The following PDZD11 variants were observed in gnomAD, a reference collection of about 807,000 sequenced individuals.
PDZD11 encodes the protein PDZ domain containing 11.
A neutral mutation model predicts 13.7 loss-of-function variants in PDZD11; 2 were observed. The observed-to-expected ratio is 0.15, with a 90% CI of 0.06 to 0.46. The LOEUF is 0.46. Ranked by LOEUF, PDZD11 falls within the 20% of genes least tolerant of loss-of-function variation. The pLI, the probability that PDZD11 is intolerant of heterozygous loss-of-function variation, is 0.98. For synonymous variants in PDZD11, 32 were observed against 37.5 expected (o/e 0.85, Z 0.54); for missense variants, 44 against 111.7 (o/e 0.39, Z 2.73).
Position 70,288,319 on chromosome X carries a change from A to C in PDZD11, c.171+111T>G. The C allele has an allele frequency of 3.4e-6, 3 of 877,212 alleles. No individual in the cohort carries two copies. The South Asian group carries it at 6.7e-5, about 19-fold the overall frequency. The allele number at this position is 877,212 out of a possible 1,213,427, so 72.3% of individuals were successfully genotyped here. A position where few individuals can be genotyped will look rare whatever the true frequency, so the allele number is the denominator to read the frequency against. ...AAGTGTTATCTCAGCTTTTCTGTCC[A>C]CAAGAAGGAAAGTTTCCTCACATCT... On this transcript the variant is annotated intron_variant, in intron 3 of 6. Coordinates refer to ENST00000239666, the MANE Select transcript of PDZD11 (RefSeq NM_016484.5).
chrX:70,287,053 C>A lies in PDZD11; in HGVS notation c.*29G>T. ...TCTAGTTAGCATGTCATGACAGAGT[C>A]CACATGAAGGGCTGTGGGCTGCAAC... On this transcript the variant is annotated 3_prime_UTR_variant, in exon 7 of 7. Transcript: ENST00000239666. The A allele has an allele frequency of 8.5e-7, 1 of 1,174,467 alleles. No homozygotes were observed. The highest frequency in any genetic ancestry group is 1.2e-6 in the Non-Finnish European group (1 of 869,525).
intron 4 of PDZD11, 78 bp from the exon 5 acceptor site, chrX:70,287,908 A>C (rs2085729583): frequency 2.4e-5 from 20 of 832,384 alleles, no homozygotes; most frequent in Non-Finnish European, 3.2e-5. Context: ...GTGCTATTCA[A>C]ATGTATGGTG....
At chrX:70,288,669 G>C (rs1312050989) in intron 2 of PDZD11, among the ~76,000 whole-genome samples, 156 bp from the exon 3 acceptor site, 1 of 109,927 alleles carries the variant, frequency 9.1e-6, no homozygotes, top group Non-Finnish European at 1.9e-5. Flanking sequence ...TAGATGGATA[G>C]CACTGGGGCA....
chrX:70,289,736 G>A (rs2085747037), intron 1 of PDZD11, 124 bp downstream of exon 1: 1 of 165,723 alleles, frequency 6.0e-6, no homozygotes. Flanking sequence ...TCCTAGATGT[G>A]ATTAGTAATG....
At position 70,287,072 on chromosome X, in the gene PDZD11, C is replaced by G; in HGVS notation, c.*10G>C. The G allele has an allele frequency of 8.4e-7, 1 of 1,193,146 alleles. No individual in the cohort carries two copies. The highest frequency in any genetic ancestry group is 1.1e-6 in the Non-Finnish European group (1 of 884,306). On this transcript the variant is annotated 3_prime_UTR_variant, in exon 7 of 7. Transcript: ENST00000239666. The stretch of plus-strand genomic sequence containing the variant: ...CAGAGTCCACATGAAGGGCTGTGGG[C>G]TGCAACTTTCTAGTGCACAGTCCTC...
At chrX:70,287,954 G>T in intron 4 of PDZD11, 124 bp from the exon 5 acceptor site, 1 of 711,566 alleles carries the variant, frequency 1.4e-6, no homozygotes, top group Non-Finnish European at 2.2e-6. Context: ...GCAGACAGAT[G>T]GCCTGCCAAA....
intron 5 of PDZD11, among the ~76,000 whole-genome samples, 156 bp from the exon 6 acceptor site, chrX:70,287,492 T>G (rs2085726375): frequency 9.0e-6 from 1 of 110,826 alleles, no homozygotes; most frequent in African/African-American, 3.3e-5. Flanking sequence ...CTCTCTCTCT[T>G]TTTGTTTGTT....
Position 70,287,022 on chromosome X carries a change from C to G in PDZD11, c.*60G>C. 9.3e-7 allele frequency: 1 copy of G among 1,076,189 alleles called. No individual in the cohort carries two copies. The highest frequency in any genetic ancestry group is 1.3e-6 in the Non-Finnish European group (1 of 788,297). The allele number at this position is 1,076,189 out of a possible 1,213,427, so 88.7% of individuals were successfully genotyped here. The stretch of plus-strand genomic sequence containing the variant: ...GGGGCTGAAAACAGAAGTGGCTCCC[C>G]TGAAGTCTAGTTAGCATGTCATGAC... On this transcript the variant is annotated 3_prime_UTR_variant, in exon 7 of 7. Transcript: ENST00000239666.
At chrX:70,288,953 T>C (rs759850224) in intron 2 of PDZD11, among the ~76,000 whole-genome samples, 2 of 111,562 alleles carry the variant, frequency 1.8e-5, no homozygotes, top group South Asian at 7.7e-4. Context: ...ATCCGCCTGT[T>C]TCGGCCTCCC....
Position 70,287,260 on chromosome X carries a change from AG to A in PDZD11, c.388+15del. Reference sequence around the variant, plus strand: ...AGGGCCCTGTCAGGAAAGTGAAAAAAGAAAGTGGCACTTACTGTAGGGAAAG... The same window carrying A: ...AGGGCCCTGTCAGGAAAGTGAAAAAAAAAGTGGCACTTACTGTAGGGAAAG... On this transcript the variant is annotated intron_variant, in intron 6 of 6. Coordinates refer to ENST00000239666, the MANE Select transcript of PDZD11 (RefSeq NM_016484.5). 8.3e-7 allele frequency: 1 copy of A among 1,203,788 alleles called. No individual in the cohort carries two copies. The highest frequency in any genetic ancestry group is 1.1e-6 in the Non-Finnish European group (1 of 888,507).
rs1351421724 is a variant in PDZD11, at chrX:70,287,110, T to C, written c.395A>G (p.His132Arg). Reference protein sequence around the residue: ...MRVRFFPYNYHRQKERTVH With the variant: ...MRVRFFPYNYRRQKERTVH ...GTGCACAGTCCTCTCTTTTTGGCGA[T>C]GATAATCTGAAGGAAAGAAGAAGAA... The change falls in exon 7 of 7, where the codon CAT (histidine) becomes CGT (arginine). Residue 132 changes from histidine (H) to arginine (R), a missense_variant. Physicochemically the swap from His to Arg is conservative, Grantham distance 29 (BLOSUM62 0). Transcript: ENST00000239666. The C allele has an allele frequency of 5.0e-6, 6 of 1,197,486 alleles. No individual in the cohort carries two copies. In the Admixed American group the frequency reaches 1.4e-4, roughly 27 times the overall value.
chrX:70,288,183 A>G lies in PDZD11; in HGVS notation c.172-10T>C. 1 of 1,199,916 alleles carries G rather than the reference A, an allele frequency of 8.3e-7. No individual in the cohort carries two copies. Among genetic ancestry groups the G allele is most frequent in the Non-Finnish European group, 1.1e-6 (1 of 884,813 alleles). ...GGATGTTAAATCCCAACTGTAAGACAAGAGCACAGAATGGGGGCTCAATGG... is the reference window on the plus strand; with the variant it reads ...GGATGTTAAATCCCAACTGTAAGACGAGAGCACAGAATGGGGGCTCAATGG... On this transcript the variant is annotated splice_polypyrimidine_tract_variant and intron_variant, in intron 3 of 6. Transcript: ENST00000239666.
chrX:70,287,259 A>T lies in PDZD11; in HGVS notation c.388+17T>A. The T allele has an allele frequency of 8.3e-7, 1 of 1,203,639 alleles. No individual in the cohort carries two copies. Among genetic ancestry groups the T allele is most frequent in the East Asian group, 3.0e-5 (1 of 33,820 alleles). On this transcript the variant is annotated intron_variant, in intron 6 of 6. Transcript: ENST00000239666. Reference sequence around the variant, plus strand: ...TAGGGCCCTGTCAGGAAAGTGAAAAAAGAAAGTGGCACTTACTGTAGGGAA... The same window carrying T: ...TAGGGCCCTGTCAGGAAAGTGAAAATAGAAAGTGGCACTTACTGTAGGGAA...
At chrX:70,288,364 T>C in intron 3 of PDZD11, 66 bp downstream of exon 3, 2 of 1,023,374 alleles carry the variant, frequency 2.0e-6, no homozygotes, top group Non-Finnish European at 2.7e-6. Context: ...TTCCAATCCA[T>C]CCCCCCAACA....
intron 3 of PDZD11, 119 bp from the exon 4 acceptor site, chrX:70,288,292 A>G (rs930873920): frequency 1.1e-5 from 9 of 841,377 alleles, no homozygotes; most frequent in Non-Finnish European, 1.6e-5. Context: ...CAGAAGTTGC[A>G]GAAGTGTTAT....
intron 1 of PDZD11, 54 bp downstream of exon 1, chrX:70,289,806 C>G (rs2085747621): frequency 8.0e-6 from 1 of 124,767 alleles, no homozygotes; most frequent in African/African-American, 3.2e-5. Flanking sequence ...GTCCCCGCCC[C>G]ACATTCTGCC....
rs1329484319 is a variant in PDZD11 at position 70,289,700 on chromosome X, CT to C, written c.-14+159del. On this transcript the variant is annotated intron_variant, in intron 1 of 6. Coordinates refer to ENST00000239666, the MANE Select transcript of PDZD11 (RefSeq NM_016484.5). The stretch of plus-strand genomic sequence containing the variant: ...AGGGAGTGTTAACTATCCGCAGGGA[CT>C]CGGGGCAAGGCACCGCCCCACATTT... 3 of 201,310 alleles carry C rather than the reference CT, an allele frequency of 1.5e-5. No homozygotes were observed. The Admixed American group carries it at 2.1e-4, about 14-fold the overall frequency. 16.6% of individuals were successfully genotyped at this position (201,310 alleles called of 1,213,427 possible).
chrX:70,289,518 T>A, intron 1 of PDZD11, 164 bp from the exon 2 acceptor site: 2 of 847,946 alleles, frequency 2.4e-6, no homozygotes, highest in Non-Finnish European at 3.2e-6. Flanking sequence ...AGAAAACTCT[T>A]AACTTAGCTA....
In PDZD11 at chrX:70,288,156, T is replaced by C. The variant is rs2085731447; in HGVS notation, c.189A>G (p.Arg63=). ...PPGAQLGFNI[R]GGKASQLGIF... ...TGCCTAGCTGGGAGGCCTTTCCTCC[T>C]CGGATGTTAAATCCCAACTGTAAGA... The change falls in exon 4 of 7, where the codon CGA becomes CGG. Residue 63 remains arginine, a synonymous_variant. Transcript: ENST00000239666. 4 of 1,209,565 alleles carry C rather than the reference T, an allele frequency of 3.3e-6. No homozygotes were observed. The East Asian group carries it at 1.2e-4, about 36-fold the overall frequency.
Sources: allele counts gnomAD v4.1 joint callset (sites outside exome capture counted in the v4.1 genomes callset), GRCh38; gene constraint gnomAD v4.1.1; transcripts MANE v1.5; gene names NCBI Gene and HGNC (gene_info 2026-07-23, HGNC 2026-07-21).